BBS4: variants seen among roughly 807,000 people sequenced by gnomAD.
BBS4 encodes the protein Bardet-Biedl syndrome 4, also known as BBSome complex member BBS4.
BBS4 carries 58 observed loss-of-function variants against 71.4 expected under a neutral mutation model. That is an observed-to-expected ratio of 0.81 (90% confidence interval 0.66 to 1.01). BBS4 has a LOEUF of 1.01. Among genes scored for constraint, BBS4 ranks in the 50% least tolerant of loss-of-function variants. BBS4 has a pLI of 0.00. For missense variants in BBS4, 660 were observed against 607.9 expected (o/e 1.09, Z -0.90); for synonymous variants, 228 against 216.8 (o/e 1.05, Z -0.46).
intron 1 of BBS4, among the ~76,000 whole-genome samples, chr15:72,689,020 C>G (rs1309311701): frequency 6.7e-6 from 1 of 149,814 alleles, no homozygotes; most frequent in Non-Finnish European, 1.5e-5. Context: ...CATTCCTAAA[C>G]TCAGAAAGAA....
intron 4 of BBS4, among the ~76,000 whole-genome samples, chr15:72,714,555 A>G (rs771484286): frequency 4.6e-5 from 7 of 152,160 alleles, no homozygotes; most frequent in African/African-American, 9.7e-5. Flanking sequence ...CTTTAGTGGC[A>G]TAAGTAGCAT....
At chr15:72,693,212 C>T (rs1459458025) in intron 1 of BBS4, among the ~76,000 whole-genome samples, 1 of 152,104 alleles carries the variant, frequency 6.6e-6, no homozygotes, top group Non-Finnish European at 1.5e-5. Flanking sequence ...ACAAATTATG[C>T]TTTTTGTTTG....
intron 1 of BBS4, among the ~76,000 whole-genome samples, chr15:72,690,498 T>C (rs1434534774): frequency 6.6e-6 from 1 of 152,218 alleles, no homozygotes; most frequent in Non-Finnish European, 1.5e-5. Flanking sequence ...TTTTGAGTCT[T>C]TAACATTCTT....
At chr15:72,720,405 G>A (rs2065547688) in intron 6 of BBS4, among the ~76,000 whole-genome samples, 1 of 151,446 alleles carries the variant, frequency 6.6e-6, no homozygotes, top group South Asian at 2.1e-4. Flanking sequence ...CGTTAGCCCA[G>A]GAGGTTGAGG....
At chr15:72,699,776 A>G (rs1567402627) in intron 2 of BBS4, among the ~76,000 whole-genome samples, 1 of 152,176 alleles carries the variant, frequency 6.6e-6, no homozygotes, top group African/African-American at 2.4e-5. Context: ...TTCATACAAC[A>G]TGTTGTTTTG....
At chr15:72,705,642 G>C (rs894898138) in intron 2 of BBS4, among the ~76,000 whole-genome samples, 1 of 124,032 alleles carries the variant, frequency 8.1e-6, no homozygotes, top group Non-Finnish European at 1.6e-5. Flanking sequence ...ACCCAGGTTG[G>C]AGTGCAGTGC....
chr15:72,707,525 C>T (rs1251993276), intron 2 of BBS4, among the ~76,000 whole-genome samples: 2 of 151,998 alleles, frequency 1.3e-5, no homozygotes, highest in African/African-American at 4.8e-5. Context: ...TTAAAATTCA[C>T]AAAAAATAAT....
At chr15:72,699,654 C>A (rs760676871) in intron 2 of BBS4, among the ~76,000 whole-genome samples, 1 of 152,132 alleles carries the variant, frequency 6.6e-6, no homozygotes, top group Non-Finnish European at 1.5e-5. Flanking sequence ...GATGCAACCA[C>A]CATTCTGATT....
At chr15:72,711,049 C>T (rs58765465) in intron 3 of BBS4, among the ~76,000 whole-genome samples, 1,751 of 151,766 alleles carry the variant, frequency 0.012, 27 homozygotes, top group African/African-American at 0.041. Context: ...AATCCACCTG[C>T]CTCAGCCTCC....
At chr15:72,727,669 A>G (rs1372637658) in intron 8 of BBS4, among the ~76,000 whole-genome samples, 1 of 152,172 alleles carries the variant, frequency 6.6e-6, no homozygotes, top group East Asian at 1.9e-4. Context: ...CAGTCATGCA[A>G]AACATTCTAT....
intron 8 of BBS4, among the ~76,000 whole-genome samples, chr15:72,726,033 C>CT (rs2065692179): frequency 7.2e-6 from 1 of 139,138 alleles, no homozygotes; most frequent in African/African-American, 2.7e-5. Context: ...CTTTTTCTCT[C>CT]TTTTCTTTCC....
At chr15:72,712,097 G>A in intron 3 of BBS4, 147 bp from the exon 4 acceptor site, 1 of 688,214 alleles carries the variant, frequency 1.5e-6, no homozygotes, top group South Asian at 1.6e-5. Context: ...TTGAACTCCT[G>A]ACCTCATAAT....
At chr15:72,691,474 A>C (rs1472003059) in intron 1 of BBS4, among the ~76,000 whole-genome samples, 1 of 152,136 alleles carries the variant, frequency 6.6e-6, no homozygotes, top group African/African-American at 2.4e-5. Context: ...ATTTTATATT[A>C]ATATTTTGTA....
At chr15:72,728,675 G>C (rs2065748820) in intron 9 of BBS4, among the ~76,000 whole-genome samples, 2 of 152,190 alleles carry the variant, frequency 1.3e-5, no homozygotes, top group Admixed American at 1.3e-4. Context: ...ATTGGAAAGA[G>C]AGAAGGCAAA....
intron 9 of BBS4, among the ~76,000 whole-genome samples, chr15:72,728,238 C>A (rs2065740269): frequency 6.6e-6 from 1 of 152,184 alleles, no homozygotes; most frequent in Non-Finnish European, 1.5e-5. Context: ...GGTCTCATGC[C>A]TGTAATCCCA....
intron 13 of BBS4, 89 bp from the exon 14 acceptor site, chr15:72,735,736 T>G: frequency 4.0e-6 from 6 of 1,515,578 alleles, no homozygotes; most frequent in Non-Finnish European, 5.5e-6. Flanking sequence ...ACTTAACCAG[T>G]TTTGTTTTGT....
At chr15:72,735,008 T>G (rs2065892268) in intron 12 of BBS4, 105 bp from the exon 13 acceptor site, 7 of 794,896 alleles carry the variant, frequency 8.8e-6, no homozygotes, top group South Asian at 8.5e-5. Flanking sequence ...TAGTAAACTC[T>G]GGTGCCATGA....
intron 12 of BBS4, 139 bp downstream of exon 12, chr15:72,731,865 A>AG (rs2065832537): frequency 8.8e-7 from 1 of 1,140,810 alleles, no homozygotes; most frequent in Admixed American, 2.3e-5. Context: ...ACTGTCCTGG[A>AG]GCTTGAAGAA....
chr15:72,691,260 G>A (rs943336034), intron 1 of BBS4, among the ~76,000 whole-genome samples: 10 of 152,068 alleles, frequency 6.6e-5, no homozygotes, highest in African/African-American at 2.4e-4. Flanking sequence ...TTATTTTGAG[G>A]ATTAATTTTT....
Sources: allele counts gnomAD v4.1 joint callset (sites outside exome capture counted in the v4.1 genomes callset), GRCh38; gene constraint gnomAD v4.1.1; transcripts MANE v1.5; gene names NCBI Gene and HGNC (gene_info 2026-07-23, HGNC 2026-07-21).